CEP57L1: variants seen among roughly 807,000 people sequenced by gnomAD.
The protein encoded by CEP57L1 is centrosomal protein CEP57L1.
In CEP57L1, 37 loss-of-function variants were observed where a neutral mutation model predicts 61.0. The observed-to-expected ratio is 0.61, with a 90% confidence interval of 0.47 to 0.80. The LOEUF is 0.80. Ranked by LOEUF, CEP57L1 falls within the 30% of genes least tolerant of loss-of-function variation. The pLI, the probability that CEP57L1 is intolerant of heterozygous loss-of-function variation, is 0.00. For synonymous variants in CEP57L1, 137 were observed against 162.3 expected, an observed-to-expected ratio of 0.84 and a Z score of 1.19; for missense variants, 422 against 524.7, an observed-to-expected ratio of 0.80 and a Z score of 1.91.
At chr6:109,129,668 C>A (rs1206116386) in intron 1 of CEP57L1, among the ~76,000 whole-genome samples, 1 of 152,194 alleles carries the variant, frequency 6.6e-6, no homozygotes, top group Non-Finnish European at 1.5e-5. Flanking sequence ...TTTAAAAAGT[C>A]ACATTTCTTA....
intron 1 of CEP57L1, among the ~76,000 whole-genome samples, chr6:109,126,212 G>A (rs1355138199): frequency 1.3e-5 from 2 of 152,168 alleles, no homozygotes; most frequent in East Asian, 1.9e-4. Flanking sequence ...CCCTTTCTGA[G>A]TTTATGTTGA....
At chr6:109,111,635 T>TC (rs1771636946) in intron 1 of CEP57L1, among the ~76,000 whole-genome samples, 1 of 152,190 alleles carries the variant, frequency 6.6e-6, no homozygotes, top group South Asian at 2.1e-4. Flanking sequence ...TTTTTGCCCA[T>TC]TCAGTATGAT....
chr6:109,131,135 A>G (rs1774156646), intron 1 of CEP57L1, among the ~76,000 whole-genome samples: 1 of 152,228 alleles, frequency 6.6e-6, no homozygotes, highest in Non-Finnish European at 1.5e-5. Flanking sequence ...AGATCAGTAT[A>G]TTAAATGTAA....
chr6:109,131,057 ATATC>A (rs1233519112), intron 1 of CEP57L1, among the ~76,000 whole-genome samples: 3 of 152,164 alleles, frequency 2.0e-5, no homozygotes, highest in Non-Finnish European at 4.4e-5. Flanking sequence ...ATGATTTTTC[ATATC>A]TATCAAGGAA....
At chr6:109,162,341 C>A (rs1190041447) in intron 10 of CEP57L1, among the ~76,000 whole-genome samples, 1 of 152,098 alleles carries the variant, frequency 6.6e-6, no homozygotes, top group Non-Finnish European at 1.5e-5. Context: ...TCTGTCCTCT[C>A]TGTTCTCTAG....
chr6:109,126,407 TTAGAAGG>T (rs1188131941), intron 1 of CEP57L1, among the ~76,000 whole-genome samples: 2 of 152,226 alleles, frequency 1.3e-5, no homozygotes, highest in African/African-American at 4.8e-5. Context: ...GGACAATGTT[TTAGAAGG>T]TAGAAGTAAG....
intron 1 of CEP57L1, among the ~76,000 whole-genome samples, chr6:109,110,991 A>T (rs1771542235): frequency 1.3e-5 from 2 of 152,014 alleles, no homozygotes; most frequent in Non-Finnish European, 2.9e-5. Flanking sequence ...TTTGCTTAGG[A>T]TTGTCTTGGC....
chr6:109,159,129 C>T (rs149038895), intron 8 of CEP57L1, 27 bp downstream of exon 8: 25 of 1,613,824 alleles, frequency 1.5e-5, no homozygotes, highest in East Asian at 1.1e-4. Context: ...TGAAGATAGT[C>T]GTTCAAAAAA....
At chr6:109,123,965 G>A (rs908534135) in intron 1 of CEP57L1, among the ~76,000 whole-genome samples, 1 of 151,986 alleles carries the variant, frequency 6.6e-6, no homozygotes, top group Non-Finnish European at 1.5e-5. Flanking sequence ...CTGCTACTTG[G>A]GAAGCTGAGG....
chr6:109,124,384 A>G (rs79116221), intron 1 of CEP57L1, among the ~76,000 whole-genome samples: 17,878 of 152,160 alleles, frequency 0.12, 1,161 homozygotes, highest in Middle Eastern at 0.21. Flanking sequence ...TGCTCAAAAC[A>G]CTGGATTCTC....
intron 3 of CEP57L1, among the ~76,000 whole-genome samples, chr6:109,149,432 T>C (rs533466302): frequency 6.6e-5 from 10 of 152,338 alleles, no homozygotes; most frequent in Middle Eastern, 3.4e-3. Flanking sequence ...TGGTTGTAGA[T>C]ATGCGGCATT....
intron 1 of CEP57L1, among the ~76,000 whole-genome samples, chr6:109,125,671 C>G (rs538748166): frequency 5.1e-4 from 77 of 151,618 alleles, no homozygotes; most frequent in Non-Finnish European, 9.1e-4. Context: ...GAGTTTGAAG[C>G]TAGTCTAGGC....
intron 7 of CEP57L1, chr6:109,158,750 C>T (rs1251250735): frequency 3.8e-6 from 2 of 523,332 alleles, no homozygotes; most frequent in Non-Finnish European, 7.1e-6. Flanking sequence ...GTGTGCTTGC[C>T]AACATTTGTT....
At chr6:109,132,419 G>A (rs1774295359) in intron 1 of CEP57L1, among the ~76,000 whole-genome samples, 1 of 152,130 alleles carries the variant, frequency 6.6e-6, no homozygotes, top group Non-Finnish European at 1.5e-5. Context: ...AGTTTTCTAA[G>A]ATTCATCCTT....
intron 4 of CEP57L1, among the ~76,000 whole-genome samples, chr6:109,152,938 G>A (rs917782795): frequency 5.9e-5 from 9 of 151,548 alleles, no homozygotes; most frequent in Non-Finnish European, 7.4e-5. Context: ...GTGAAACCAC[G>A]TCTCTACTAA....
rs146929828 is a variant in CEP57L1, at chr6:109,155,745, T to C, written c.658-46T>C. The C allele has an allele frequency of 1.4e-5, 13 of 955,016 alleles. 1 individual carries two copies. The East Asian group carries it at 2.6e-4, about 19-fold the overall frequency. 59.2% of individuals were successfully genotyped at this position (955,016 alleles called of 1,614,324 possible). A position where few individuals can be genotyped will look rare whatever the true frequency, so the allele number is the denominator to read the frequency against. The stretch of plus-strand genomic sequence containing the variant: ...ACCTGATATCTCATTACAGTGTTTT[T>C]GCATGTTACAAATCAATGTTATAAC... On this transcript the variant is annotated intron_variant, in intron 6 of 10. Transcript: ENST00000517392.
At chr6:109,152,818 G>A (rs556897724) in intron 4 of CEP57L1, among the ~76,000 whole-genome samples, 6 of 151,908 alleles carry the variant, frequency 3.9e-5, no homozygotes, top group African/African-American at 1.4e-4. Flanking sequence ...ATCAATAATG[G>A]TTTTCTTAGG....
intron 3 of CEP57L1, among the ~76,000 whole-genome samples, chr6:109,147,739 G>C (rs531173758): frequency 6.6e-6 from 1 of 152,188 alleles, no homozygotes; most frequent in Non-Finnish European, 1.5e-5. Context: ...AGTGGTAGAT[G>C]CATATACTTG....
rs979037535 is a variant in CEP57L1 at position 109,163,867 on chromosome 6, G to A, written c.*897G>A. The stretch of plus-strand genomic sequence containing the variant: ...AATCAATAATGTCAAATGTCATTGT[G>A]TATGCATGCTTTATAATAAATTTAC... On this transcript the variant is annotated 3_prime_UTR_variant, in exon 11 of 11. Transcript: ENST00000517392. 6.6e-6 allele frequency: 1 copy of A among 152,014 alleles called. No homozygotes were observed. Among genetic ancestry groups the A allele is most frequent in the East Asian group, 1.9e-4 (1 of 5,186 alleles). The allele number at this position is 152,014 out of a possible 1,614,324, so 9.4% of individuals were successfully genotyped here.
Sources: allele counts gnomAD v4.1 joint callset (sites outside exome capture counted in the v4.1 genomes callset), GRCh38; gene constraint gnomAD v4.1.1; transcripts MANE v1.5; gene names NCBI Gene and HGNC (gene_info 2026-07-23, HGNC 2026-07-21).